MAGI2: variants seen among roughly 807,000 people sequenced by gnomAD.
MAGI2 encodes the protein membrane associated guanylate kinase, WW and PDZ domain containing 2, also known as membrane-associated guanylate kinase, WW and PDZ domain-containing protein 2.
In MAGI2, 35 loss-of-function variants were observed where a neutral mutation model predicts 133.3. That is an observed-to-expected ratio of 0.26 (90% CI 0.20 to 0.35). The LOEUF is 0.35. MAGI2 is among the 10% of genes least tolerant of loss of function. MAGI2 has a pLI of 1.00. For synonymous variants in MAGI2, 729 were observed against 710.6 expected (o/e 1.03, Z -0.41); for missense variants, 1,636 against 1,863.4 (o/e 0.88, Z 2.25).
intron 1 of MAGI2, among the ~76,000 whole-genome samples, chr7:79,301,004 T>G (rs1837356297): frequency 6.6e-6 from 1 of 152,152 alleles, no homozygotes; most frequent in Non-Finnish European, 1.5e-5. Flanking sequence ...GTGCACAGAG[T>G]GCAAGACTTG....
chr7:79,119,411 G>T (rs1351058627), intron 1 of MAGI2, among the ~76,000 whole-genome samples: 1 of 151,984 alleles, frequency 6.6e-6, no homozygotes, highest in Non-Finnish European at 1.5e-5. Context: ...CTTGAGAAAG[G>T]GGAATGAATA....
At chr7:78,555,200 G>GGATAGATAGATAGATA (rs201538875) in intron 3 of MAGI2, among the ~76,000 whole-genome samples, 12 of 92,634 alleles carry the variant, frequency 1.3e-4, no homozygotes, top group Non-Finnish European at 2.6e-4. Flanking sequence ...TTGGATGGAT[G>GGATAGATAGATAGATA]GATAGATAGA....
At chr7:78,768,622 G>C (rs1825262421) in intron 2 of MAGI2, among the ~76,000 whole-genome samples, 1 of 152,162 alleles carries the variant, frequency 6.6e-6, no homozygotes. Flanking sequence ...TTACGAAACT[G>C]TTTCCATCTT....
chr7:78,709,885 G>T (rs1819008032), intron 2 of MAGI2, among the ~76,000 whole-genome samples: 2 of 152,046 alleles, frequency 1.3e-5, no homozygotes, highest in Non-Finnish European at 2.9e-5. Flanking sequence ...TAACTTCCCA[G>T]TATTTACCCT....
At chr7:79,119,420 T>C (rs1819690879) in intron 1 of MAGI2, among the ~76,000 whole-genome samples, 1 of 152,066 alleles carries the variant, frequency 6.6e-6, no homozygotes, top group Non-Finnish European at 1.5e-5. Flanking sequence ...GGGGAATGAA[T>C]ACCATTTGCC....
At chr7:78,422,856 TTAC>T (rs1362638568) in intron 6 of MAGI2, among the ~76,000 whole-genome samples, 1 of 152,206 alleles carries the variant, frequency 6.6e-6, no homozygotes, top group African/African-American at 2.4e-5. Flanking sequence ...GTTCCAGCTG[TTAC>T]TACTCAGTCA....
intron 2 of MAGI2, among the ~76,000 whole-genome samples, chr7:78,862,205 C>T (rs1436956376): frequency 3.3e-5 from 5 of 152,174 alleles, no homozygotes; most frequent in Non-Finnish European, 2.9e-5. Flanking sequence ...CCTTGCTTCT[C>T]TCTCTTTTAC....
intron 2 of MAGI2, among the ~76,000 whole-genome samples, chr7:78,817,529 G>A (rs1419825490): frequency 6.6e-6 from 1 of 152,040 alleles, no homozygotes; most frequent in Non-Finnish European, 1.5e-5. Flanking sequence ...CCAAACTTCA[G>A]CAACACCACT....
chr7:78,770,984 A>C (rs1418225598), intron 2 of MAGI2: 2 of 152,218 alleles, frequency 1.3e-5, no homozygotes, highest in African/African-American at 4.8e-5. Context: ...TCTTGATAGA[A>C]GTAGTCTCAG....
At chr7:78,668,815 A>G (rs925810753) in intron 2 of MAGI2, among the ~76,000 whole-genome samples, 1 of 144,626 alleles carries the variant, frequency 6.9e-6, no homozygotes, top group Non-Finnish European at 1.5e-5. Flanking sequence ...CTGCTCCTGA[A>G]TGACTACTGG....
At chr7:78,585,334 A>AACCCTTGTG (rs1356157330) in intron 3 of MAGI2, among the ~76,000 whole-genome samples, 7 of 152,186 alleles carry the variant, frequency 4.6e-5, no homozygotes, top group African/African-American at 1.4e-4. Context: ...TTATCAGAAT[A>AACCCTTGTG]GAAGAAAAAT....
intron 2 of MAGI2, among the ~76,000 whole-genome samples, chr7:78,669,975 G>A (rs891458335): frequency 8.6e-5 from 13 of 151,514 alleles, no homozygotes; most frequent in African/African-American, 2.7e-4. Flanking sequence ...ATACTGAATG[G>A]GCAAAAACTG....
chr7:78,762,467 A>G (rs111639656), intron 2 of MAGI2, among the ~76,000 whole-genome samples: 1 of 152,148 alleles, frequency 6.6e-6, no homozygotes, highest in African/African-American at 2.4e-5. Context: ...AACAAACAAA[A>G]AACAAAGAAA....
intron 2 of MAGI2, among the ~76,000 whole-genome samples, chr7:78,790,682 C>T (rs37858): frequency 0.34 from 50,989 of 151,976 alleles, 9,007 homozygotes; most frequent in East Asian, 0.52. Flanking sequence ...GATCCACCTG[C>T]CTGGGTCTCC....
intron 9 of MAGI2, among the ~76,000 whole-genome samples, chr7:78,289,815 G>C (rs1353828426): frequency 2.0e-5 from 3 of 152,144 alleles, no homozygotes; most frequent in Admixed American, 6.6e-5. Flanking sequence ...CATTCTTAAA[G>C]AATTTTCAAC....
intron 3 of MAGI2, among the ~76,000 whole-genome samples, chr7:78,598,810 G>C (rs1347559526): frequency 6.6e-6 from 1 of 152,166 alleles, no homozygotes. Flanking sequence ...ATAAGTCAAA[G>C]TTAGTAAACA....
intron 1 of MAGI2, among the ~76,000 whole-genome samples, chr7:79,061,947 T>C (rs1016213853): frequency 6.6e-6 from 1 of 152,128 alleles, no homozygotes; most frequent in African/African-American, 2.4e-5. Context: ...GAAATCATAA[T>C]GCCTACTTCA....
At chr7:79,047,678 T>C (rs1248386786) in intron 1 of MAGI2, among the ~76,000 whole-genome samples, 1 of 152,174 alleles carries the variant, frequency 6.6e-6, no homozygotes, top group Non-Finnish European at 1.5e-5. Flanking sequence ...GAAGGTTTGA[T>C]ATATGCCATT....
chr7:78,184,080 T>A (rs2150702127), intron 13 of MAGI2, among the ~76,000 whole-genome samples: 1 of 152,372 alleles, frequency 6.6e-6, no homozygotes, highest in Non-Finnish European at 1.5e-5. Context: ...CAAAGTAATC[T>A]AAACTACTGG....
Sources: gnomAD v4.1 joint callset for allele counts (sites outside exome capture counted in the v4.1 genomes callset) on GRCh38, gnomAD v4.1.1 for gene constraint, MANE v1.5 for transcripts, NCBI Gene and HGNC (gene_info 2026-07-23, HGNC 2026-07-21) for gene names.